EIF3A: variants seen among roughly 807,000 people sequenced by gnomAD.
EIF3A encodes EIF3, p180 subunit.
Under a neutral mutation model 186.6 loss-of-function variants are expected in EIF3A, and 21 were observed. That is an observed-to-expected ratio of 0.11 (90% CI 0.08 to 0.16). The LOEUF is 0.16. EIF3A is among the 10% of genes least tolerant of loss of function. EIF3A has a pLI of 1.00. For synonymous variants in EIF3A, 563 were observed against 584.3 expected (o/e 0.96, Z 0.52); for missense variants, 1,306 against 1,796.3 (o/e 0.73, Z 4.93).
At chr10:119,054,494 C>T (rs1403866374) in intron 14 of EIF3A, among the ~76,000 whole-genome samples, 1 of 150,282 alleles carries the variant, frequency 6.7e-6, no homozygotes, top group African/African-American at 2.5e-5. Context: ...ATGAGCAGAT[C>T]ACCTGAGGCC....
rs755346667 is a variant in EIF3A at position 119,050,555 on chromosome 10, C to T, written c.2439G>A (p.Glu813=). Residue 813 remains glutamate (E), a synonymous_variant, in exon 16 of 22, where the codon GAG becomes GAA. Coordinates refer to ENST00000369144, the MANE Select transcript of EIF3A (RefSeq NM_003750.4). ...RITYYREKEE[E]EQRRAEEQML... is the part of the protein sequence containing the mutation. ...TTTGTTCTTCTGCCCTTCTCTGCTCCTCCTCTTCTTTTTCTCTATAGTATG... is the reference window on the plus strand; with the variant it reads ...TTTGTTCTTCTGCCCTTCTCTGCTCTTCCTCTTCTTTTTCTCTATAGTATG... 4.4e-5 allele frequency: 71 copies of T among 1,613,964 alleles called. No homozygotes were observed. The highest frequency in any genetic ancestry group is 6.0e-5 in the Non-Finnish European group (71 of 1,179,998).
At chr10:119,045,721 G>A (rs544696975) in intron 17 of EIF3A, among the ~76,000 whole-genome samples, 2 of 152,206 alleles carry the variant, frequency 1.3e-5, no homozygotes, top group South Asian at 2.1e-4. Flanking sequence ...GCACCACCAC[G>A]CCCAGCTCAT....
chr10:119,042,456 G>A lies in EIF3A; in HGVS notation c.3064C>T (p.Leu1022=), dbSNP rs1564749371. ...CGCCAGCTTCCTCTGTCCTCATCCAGTCCTCGTCTAGGTGGTCTGTCATCA... is the reference window on the plus strand; with the variant it reads ...CGCCAGCTTCCTCTGTCCTCATCCAATCCTCGTCTAGGTGGTCTGTCATCA... ...ADDDRPPRRG[L]DEDRGSWRTA... is the part of the protein sequence containing the mutation. Residue 1022 remains leucine, a synonymous_variant, in exon 19 of 22, where the codon CTG becomes TTG. Coordinates refer to ENST00000369144, the MANE Select transcript of EIF3A (RefSeq NM_003750.4). The surrounding 1 kb of genome is among the most constrained non-coding windows in gnomAD (Gnocchi z 7.8). The A allele has an allele frequency of 6.2e-7, 1 of 1,614,046 alleles. No individual in the cohort carries two copies. Among genetic ancestry groups the A allele is most frequent in the East Asian group, 2.2e-5 (1 of 44,866 alleles).
chr10:119,043,052 G>A (rs1480751391), intron 18 of EIF3A, among the ~76,000 whole-genome samples: 3 of 152,124 alleles, frequency 2.0e-5, no homozygotes, highest in Non-Finnish European at 4.4e-5. Context: ...GGAAGGCCAA[G>A]GCGGGAGGAT....
intron 7 of EIF3A, among the ~76,000 whole-genome samples, chr10:119,063,458 T>C (rs1843922325): frequency 6.6e-6 from 1 of 152,228 alleles, no homozygotes; most frequent in African/African-American, 2.4e-5. Context: ...AATATAGGTG[T>C]TTCCTCAGAA....
In EIF3A at chr10:119,061,276, T is replaced by C. The variant is rs1439346338; in HGVS notation, c.1175A>G (p.Asn392Ser). The change falls in exon 8 of 22, where the codon AAT becomes AGT. Residue 392 changes from asparagine (N) to serine (S), a missense_variant. This residue lies in a region of EIF3A where 267 missense variants were observed against 367.8 expected (regional missense o/e 0.73). Transcript: ENST00000369144. ...YVVPEVKDLY[N>S]WLEVEFNPLK... Reference sequence around the variant, plus strand: ...TGGGTTAAATTCTACTTCAAGCCAATTGTAAAGGTCTTTCACTTCTGGGAC... The same window carrying C: ...TGGGTTAAATTCTACTTCAAGCCAACTGTAAAGGTCTTTCACTTCTGGGAC... The C allele has an allele frequency of 4.4e-6, 7 of 1,597,298 alleles. No homozygotes were observed. The South Asian group carries it at 4.5e-5, about 10-fold the overall frequency.
chr10:119,076,949 A>AAG (rs1029673706), intron 1 of EIF3A, among the ~76,000 whole-genome samples: 1 of 151,352 alleles, frequency 6.6e-6, no homozygotes, highest in Non-Finnish European at 1.5e-5. Context: ...AAAAAAAAAA[A>AAG]AAAAGAAAAT....
In EIF3A at chr10:119,035,935, A is replaced by G; in HGVS notation, c.*104T>C. ...CATGCTTTTTGTGTTATGGTGAAAC[A>G]ACATTAAAGAATCCAATTTAGATTG... On this transcript the variant is annotated 3_prime_UTR_variant, in exon 22 of 22. Transcript: ENST00000369144. 1 of 831,244 alleles carries G rather than the reference A, an allele frequency of 1.2e-6. No individual in the cohort carries two copies. Among genetic ancestry groups the G allele is most frequent in the African/African-American group, 1.7e-5 (1 of 58,852 alleles). 51.5% of individuals were successfully genotyped at this position (831,244 alleles called of 1,614,324 possible).
chr10:119,072,915 G>A lies in EIF3A; in HGVS notation c.516C>T (p.Arg172=), dbSNP rs1844102113. The A allele has an allele frequency of 2.5e-6, 4 of 1,613,704 alleles. No individual in the cohort carries two copies. Among genetic ancestry groups the A allele is most frequent in the Non-Finnish European group, 3.4e-6 (4 of 1,179,900 alleles). ...DLLRNNSRVE[R]LYHDIAQQAF... ...CTTGCTGGGCAATATCATGGTACAG[G>A]CGCTCTACTCTAGAATTGTTTCTAA... Residue 172 remains arginine, a synonymous_variant, in exon 4 of 22, where the codon CGC becomes CGT. Transcript: ENST00000369144.
In EIF3A at chr10:119,080,757, CG is replaced by C; in HGVS notation, c.-82del. 6.5e-7 allele frequency: 1 copy of C among 1,528,878 alleles called. No homozygotes were observed. The highest frequency in any genetic ancestry group is 2.6e-5 in the East Asian group (1 of 38,262). 94.7% of individuals were successfully genotyped at this position (1,528,878 alleles called of 1,614,324 possible). ...GGGAGAGGAGACGAAGGGGAACCAG[CG>C]TAAGGTCCCACGCGCCTCGCCAGCA... is the stretch of plus-strand genomic sequence containing the variant. On this transcript the variant is annotated 5_prime_UTR_variant, in exon 1 of 22. Transcript: ENST00000369144.
At chr10:119,064,976 C>T (rs975839940) in intron 7 of EIF3A, among the ~76,000 whole-genome samples, 2 of 152,170 alleles carry the variant, frequency 1.3e-5, no homozygotes, top group Non-Finnish European at 2.9e-5. Context: ...TCCCAAAGTG[C>T]TGGGATTACA....
chr10:119,051,123 A>G (rs755212629), intron 15 of EIF3A, 76 bp downstream of exon 15: 3 of 1,316,484 alleles, frequency 2.3e-6, no homozygotes, highest in Non-Finnish European at 3.1e-6. Context: ...GAATATACCA[A>G]TTTGTTAAGG....
Position 119,073,529 on chromosome 10 carries a change from C to T in EIF3A, c.289G>A (p.Ala97Thr). 2 of 1,612,148 alleles carry T rather than the reference C, an allele frequency of 1.2e-6. No homozygotes were observed. The highest frequency in any genetic ancestry group is 1.7e-6 in the Non-Finnish European group (2 of 1,178,492). Residue 97 changes from alanine (A) to threonine (T), a missense_variant, in exon 3 of 22, where the codon GCA becomes ACA. Transcript: ENST00000369144. ...EDVVRAYLKM[A>T]EEKTEAAKEE... is the part of the protein sequence containing the mutation. Reference sequence around the variant, plus strand: ...TTAGCAGCTTCAGTTTTTTCCTCTGCCATTTTCAAATATGCCCTAACAACA... The same window carrying T: ...TTAGCAGCTTCAGTTTTTTCCTCTGTCATTTTCAAATATGCCCTAACAACA...
At chr10:119,053,852 G>C (rs2119818964) in intron 14 of EIF3A, among the ~76,000 whole-genome samples, 1 of 152,348 alleles carries the variant, frequency 6.6e-6, no homozygotes, top group African/African-American at 2.4e-5. Context: ...ATGTCATAAA[G>C]ACGGTTTTCC....
chr10:119,061,306 T>C lies in EIF3A; in HGVS notation c.1145A>G (p.Tyr382Cys), dbSNP rs149836727. The C allele has an allele frequency of 1.0e-5, 16 of 1,575,884 alleles. No homozygotes were observed. The highest frequency in any genetic ancestry group is 4.5e-5 in the East Asian group (2 of 44,104). The change falls in exon 8 of 22, where the codon TAT becomes TGT. Residue 382 changes from tyrosine to cysteine, a missense_variant. Tyr to Cys is a radical substitution (Grantham distance 194, BLOSUM62 -2). This residue lies in a region of EIF3A where 267 missense variants were observed against 367.8 expected (regional missense o/e 0.73). Coordinates refer to ENST00000369144, the MANE Select transcript of EIF3A (RefSeq NM_003750.4). ...NDMVRFNVLQ[Y>C]VVPEVKDLYN... ...AAGGTCTTTCACTTCTGGGACAACATATTGTAGTACATTAAATCTGACCTA... is the reference window on the plus strand; with the variant it reads ...AAGGTCTTTCACTTCTGGGACAACACATTGTAGTACATTAAATCTGACCTA...
At chr10:119,036,509 A>C (rs1848131993) in intron 21 of EIF3A, among the ~76,000 whole-genome samples, 2 of 152,190 alleles carry the variant, frequency 1.3e-5, no homozygotes, top group Admixed American at 6.5e-5. Flanking sequence ...AGAAACCACT[A>C]GCCTGGGAAG....
chr10:119,057,498 T>C (rs974494282), intron 12 of EIF3A, among the ~76,000 whole-genome samples: 1 of 152,142 alleles, frequency 6.6e-6, no homozygotes, highest in Admixed American at 6.6e-5. Context: ...AAACAGGTCA[T>C]GTGTGGTGGC....
intron 9 of EIF3A, 99 bp from the exon 10 acceptor site, chr10:119,059,817 G>A (rs1843854482): frequency 2.5e-6 from 2 of 801,412 alleles, no homozygotes; most frequent in South Asian, 1.5e-5. Context: ...AATTATGCCA[G>A]AGAATTTATG....
intron 1 of EIF3A, chr10:119,080,419 G>A (rs1844245556): frequency 1.0e-6 from 1 of 985,456 alleles, no homozygotes; most frequent in Non-Finnish European, 1.2e-6. Flanking sequence ...CTGGGGCGAC[G>A]GTTCCGGGCT....
Sources: allele counts gnomAD v4.1 joint callset (sites outside exome capture counted in the v4.1 genomes callset), GRCh38; gene constraint gnomAD v4.1.1; regional missense constraint gnomAD v4.1.1; non-coding constraint Gnocchi (gnomAD v3.1); transcripts MANE v1.5; gene names NCBI Gene and HGNC (gene_info 2026-07-23, HGNC 2026-07-21).